The following DNAAF1 variants were observed in gnomAD, a reference collection of about 807,000 sequenced individuals.
DNAAF1 encodes dynein axonemal assembly factor 1.
In DNAAF1, 65 loss-of-function variants were observed where a neutral mutation model predicts 71.1. The observed-to-expected ratio is 0.91, with a 90% confidence interval of 0.75 to 1.12. DNAAF1 has a LOEUF of 1.12. Ranked by LOEUF, DNAAF1 falls within the 50% of genes most tolerant of loss-of-function variation. The probability of loss-of-function intolerance (pLI) is 0.00; values close to 1 mark genes in which losing one functional copy is unlikely to be tolerated. For missense variants in DNAAF1, 1,178 were observed against 899.8 expected (o/e 1.31, Z -3.96); for synonymous variants, 414 against 354.6 (o/e 1.17, Z -1.88).
At position 84,170,176 on chromosome 16, in the gene DNAAF1, C is replaced by T. The variant is rs777616161; in HGVS notation, c.1348C>T (p.Pro450Ser). The change falls in exon 8 of 12, where the codon CCG (proline) becomes TCG (serine). Residue 450 changes from proline (P) to serine (S), a missense_variant. By Grantham distance (74) the Pro-to-Ser change is moderately conservative (BLOSUM62 -1). Coordinates refer to ENST00000378553, the MANE Select transcript of DNAAF1 (RefSeq NM_178452.6). ...CCTCCCAGCTGAGGCCCCACCACCC[C>T]CGCCACCTGTGGAGGTTAAAGGAGA... is the stretch of plus-strand genomic sequence containing the variant. ...GTLPAEAPPP[P>S]PPVEVKGEDG... 3 of 1,610,444 alleles carry T rather than the reference C, an allele frequency of 1.9e-6. No homozygotes were observed. The African/African-American group carries it at 4.0e-5, about 22-fold the overall frequency.
chr16:84,145,425 T>A lies in DNAAF1; in HGVS notation c.-16T>A. 1 of 1,576,782 alleles carries A rather than the reference T, an allele frequency of 6.3e-7. No individual in the cohort carries two copies. Among genetic ancestry groups the A allele is most frequent in the South Asian group, 1.2e-5 (1 of 85,816 alleles). On this transcript the variant is annotated 5_prime_UTR_variant, in exon 1 of 12. Transcript: ENST00000378553. The stretch of plus-strand genomic sequence containing the variant: ...CCCCCCAAAGCTGCGGGGCGTTCGG[T>A]GTCGCCGAAGTAAACATGCACCCTG...
chr16:84,146,286 T>A (rs1198358484), intron 1 of DNAAF1, among the ~76,000 whole-genome samples: 2 of 152,196 alleles, frequency 1.3e-5, no homozygotes, highest in African/African-American at 4.8e-5. Flanking sequence ...GACTGCATGT[T>A]GTGTCAGGGC....
chr16:84,164,415 C>T lies in DNAAF1; in HGVS notation c.864-1368C>T, dbSNP rs145582515. ...TAAAACCCTCTGTGCTCTGCTTCTT[C>T]ATCCCTCCTACCTCCTCAGCCCCAA... On this transcript the variant is annotated intron_variant, in intron 6 of 11. Transcript: ENST00000378553. 9.2e-5 allele frequency among the ~76,000 whole-genome samples: 14 copies of T among 152,330 alleles called. No homozygotes were observed. The East Asian group carries it at 2.3e-3, about 25-fold the overall frequency.
chr16:84,159,422 T>C (rs1171680175), intron 5 of DNAAF1, among the ~76,000 whole-genome samples: 2 of 152,194 alleles, frequency 1.3e-5, no homozygotes, highest in Non-Finnish European at 1.5e-5. Context: ...AGTATTGTTC[T>C]GGAGGGACGA....
intron 4 of DNAAF1, 109 bp from the exon 5 acceptor site, chr16:84,155,474 C>T: frequency 8.0e-7 from 1 of 1,256,934 alleles, no homozygotes. Context: ...GAAAGATTCT[C>T]CCGCTTTAGC....
chr16:84,175,537 G>A lies in DNAAF1; in HGVS notation c.1699-396G>A, dbSNP rs549968423. ...GGCATCAGCCATCATCTCTGAGCAC[G>A]AGCTCAGCAGCAAAGAAAACAGACA... On this transcript the variant is annotated intron_variant, in intron 10 of 11. Coordinates refer to ENST00000378553, the MANE Select transcript of DNAAF1 (RefSeq NM_178452.6). The A allele has an allele frequency of 2.6e-3, 687 of 267,876 alleles. 16 individuals carry two copies. In the South Asian group the frequency reaches 0.027, roughly 11 times the overall value. The allele number at this position is 267,876 out of a possible 1,614,324, so 16.6% of individuals were successfully genotyped here.
chr16:84,174,656 C>G lies in DNAAF1; in HGVS notation c.1645-13C>G. On this transcript the variant is annotated splice_polypyrimidine_tract_variant and intron_variant, in intron 9 of 11. Transcript: ENST00000378553. ...TACCTCCCTGGTGATGTGCGGCTCACTTGCTCTTTCAGGACCTACCTGACT... is the reference window on the plus strand; with the variant it reads ...TACCTCCCTGGTGATGTGCGGCTCAGTTGCTCTTTCAGGACCTACCTGACT... The G allele has an allele frequency of 6.2e-7, 1 of 1,614,160 alleles. No individual in the cohort carries two copies. Among genetic ancestry groups the G allele is most frequent in the Non-Finnish European group, 8.5e-7 (1 of 1,180,016 alleles).
intron 5 of DNAAF1, among the ~76,000 whole-genome samples, chr16:84,158,353 G>A (rs1446885859): frequency 6.6e-6 from 1 of 152,200 alleles, no homozygotes. Context: ...GTCCTCACAT[G>A]GTCCCTCCCT....
chr16:84,155,302 C>A (rs907262838), intron 4 of DNAAF1, among the ~76,000 whole-genome samples: 1 of 152,140 alleles, frequency 6.6e-6, no homozygotes, highest in Non-Finnish European at 1.5e-5. Flanking sequence ...AGTTAGAGCT[C>A]ACTGCAGCCT....
chr16:84,166,370 C>CTTTTTTTTTTTTT (rs535417461), intron 7 of DNAAF1, among the ~76,000 whole-genome samples: 1 of 118,804 alleles, frequency 8.4e-6, no homozygotes, highest in Non-Finnish European at 1.7e-5. Flanking sequence ...TTCTTTTTTT[C>CTTTTTTTTTTTTT]TTTTTTTTTT....
At position 84,176,245 on chromosome 16, in the gene DNAAF1, C is replaced by A; in HGVS notation, c.2011C>A (p.Pro671Thr). 1 of 1,613,720 alleles carries A rather than the reference C, an allele frequency of 6.2e-7. No homozygotes were observed. The highest frequency in any genetic ancestry group is 8.5e-7 in the Non-Finnish European group (1 of 1,180,036). ...CCCCACCTGCCAAAGAGATGCTGCA[C>A]CACTCACTTCCAGTGGAGACAGGGA... ...MPPTCQRDAAPLTSSGDRDSD... is the reference protein window; with the variant it reads ...MPPTCQRDAATLTSSGDRDSD... Residue 671 changes from proline (P) to threonine (T), a missense_variant, in exon 11 of 12, where the codon CCA becomes ACA. Pro to Thr is a conservative substitution (Grantham distance 38, BLOSUM62 -1). Coordinates refer to ENST00000378553, the MANE Select transcript of DNAAF1 (RefSeq NM_178452.6).
At chr16:84,155,972 T>C (rs1310524407) in intron 5 of DNAAF1, among the ~76,000 whole-genome samples, 1 of 152,140 alleles carries the variant, frequency 6.6e-6, no homozygotes, top group African/African-American at 2.4e-5. Flanking sequence ...ATAAGGACTT[T>C]TTTTTTTTGA....
intron 5 of DNAAF1, among the ~76,000 whole-genome samples, chr16:84,158,574 G>T (rs2087551348): frequency 6.6e-6 from 1 of 152,174 alleles, no homozygotes; most frequent in African/African-American, 2.4e-5. Context: ...AAAGCAGGTT[G>T]CTTTATGTTA....
At position 84,165,913 on chromosome 16, in the gene DNAAF1, G is replaced by A; in HGVS notation, c.994G>A (p.Glu332Lys). The change falls in exon 7 of 12, where the codon GAG becomes AAG. Residue 332 changes from glutamate to lysine, a missense_variant. Coordinates refer to ENST00000378553, the MANE Select transcript of DNAAF1 (RefSeq NM_178452.6). The part of the protein sequence containing the change: ...EALAMIKQRA[E>K]ERKRQRESQE... Reference sequence around the variant, plus strand: ...CTTGGCCATGATCAAGCAGCGGGCAGAGGAGAGGAAAAGACAGAGAGAGAG... The same window carrying A: ...CTTGGCCATGATCAAGCAGCGGGCAAAGGAGAGGAAAAGACAGAGAGAGAG... 2 of 1,613,566 alleles carry A rather than the reference G, an allele frequency of 1.2e-6. No individual in the cohort carries two copies. Among genetic ancestry groups the A allele is most frequent in the Non-Finnish European group, 1.7e-6 (2 of 1,179,940 alleles).
At chr16:84,160,431 A>C (rs12599440) in intron 6 of DNAAF1, among the ~76,000 whole-genome samples, 145,514 of 152,272 alleles carry the variant, frequency 0.96, 69,578 homozygotes, top group East Asian at 1. Flanking sequence ...CTGCTTTTAT[A>C]TGTGTTTTTA....
intron 11 of DNAAF1, 179 bp downstream of exon 11, chr16:84,176,478 C>A: frequency 1.0e-6 from 1 of 1,000,712 alleles, no homozygotes; most frequent in Non-Finnish European, 1.5e-6. Context: ...TCTGAAGCTG[C>A]CACTTGCTGG....
intron 3 of DNAAF1, among the ~76,000 whole-genome samples, chr16:84,153,453 A>G (rs539488162): frequency 4.6e-5 from 7 of 152,228 alleles, no homozygotes; most frequent in Non-Finnish European, 8.8e-5. Context: ...AGGATTTTAA[A>G]AAGTCTATCT....
In DNAAF1 at chr16:84,155,763, A is replaced by G. The variant is rs1555521448; in HGVS notation, c.741+14A>G. On this transcript the variant is annotated intron_variant, in intron 5 of 11. Coordinates refer to ENST00000378553, the MANE Select transcript of DNAAF1 (RefSeq NM_178452.6). ...ATGCCCGATTTGGTAAAAAACAAAAACAAAAACAACGAAAAAGCACCACAG... is the reference window on the plus strand; with the variant it reads ...ATGCCCGATTTGGTAAAAAACAAAAGCAAAAACAACGAAAAAGCACCACAG... The G allele has an allele frequency of 3.7e-6, 6 of 1,613,966 alleles. No individual in the cohort carries two copies. Among genetic ancestry groups the G allele is most frequent in the Non-Finnish European group, 5.1e-6 (6 of 1,179,984 alleles).
intron 3 of DNAAF1, 31 bp from the exon 4 acceptor site, chr16:84,154,546 G>T (rs765776929): frequency 1.9e-6 from 3 of 1,603,862 alleles, no homozygotes; most frequent in Admixed American, 3.3e-5. Flanking sequence ...GGGAGTAGGA[G>T]CTTAATTCCC....
Sources: gnomAD v4.1 joint callset for allele counts (sites outside exome capture counted in the v4.1 genomes callset) on GRCh38, gnomAD v4.1.1 for gene constraint, MANE v1.5 for transcripts, NCBI Gene and HGNC (gene_info 2026-07-23, HGNC 2026-07-21) for gene names.